Variants in FAM246B observed in about 807,000 individuals in gnomAD.
FAM246B encodes protein FAM246B.
downstream of FAM246B, among the ~76,000 whole-genome samples, chr22:18,634,936 C>G (rs888740942): frequency 6.7e-6 from 1 of 148,256 alleles, no homozygotes; most frequent in East Asian, 2.1e-4. Flanking sequence ...GAGACTGAGT[C>G]CGGCTAGAGA....
exon 1 of FAM246B, among the ~76,000 whole-genome samples, chr22:18,634,545 G>A (rs1351335483): frequency 1.6e-5 from 1 of 62,006 alleles, no homozygotes; most frequent in African/African-American, 4.4e-5. Context: ...CACCGTGAGC[G>A]CCCTGGTCGC....
exon 1 of FAM246B, among the ~76,000 whole-genome samples, chr22:18,634,028 C>T (rs1276107742): frequency 1.9e-5 from 1 of 51,748 alleles, no homozygotes; most frequent in Non-Finnish European, 4.4e-5. Context: ...GTAGTGCGTA[C>T]AGAGCCAGCG....
chr22:18,634,600 GC>G lies in FAM246B; in HGVS notation c.618del (p.Cys206TrpfsTer?), dbSNP rs1933692634. The stretch of plus-strand genomic sequence containing the variant: ...GACGCCCCGGACGGCCCAGCAGAAT[GC>G]GGAGCGCACCGAGCCCCGGCCAGGA... On this transcript the variant is annotated frameshift_variant, in exon 1 of 1. Coordinates refer to ENST00000652395, the Ensembl canonical transcript of FAM246B. LOFTEE classifies it high-confidence loss of function. Among the ~76,000 whole-genome samples the G allele has an allele frequency of 1.6e-5, 1 of 62,534 alleles. No homozygotes were observed. The highest frequency in any genetic ancestry group is 4.0e-5 in the Non-Finnish European group (1 of 25,032). 41.0% of individuals were successfully genotyped at this position (62,534 alleles called of 152,430 possible). A position where few individuals can be genotyped will look rare whatever the true frequency, so the allele number is the denominator to read the frequency against.
At chr22:18,634,878 GGGCCACGT>G (rs1933698003), downstream of FAM246B, among the ~76,000 whole-genome samples, 1 of 148,352 alleles carries the variant, frequency 6.7e-6, no homozygotes. Context: ...GGCGGAGGGT[GGGCCACGT>G]GCGTCTGGGG....
At chr22:18,634,884 C>T (rs1324638779), downstream of FAM246B, among the ~76,000 whole-genome samples, 2 of 148,492 alleles carry the variant, frequency 1.3e-5, no homozygotes, top group Non-Finnish European at 3.0e-5. Context: ...GGGTGGGCCA[C>T]GTGCGTCTGG....
chr22:18,635,004 A>C (rs1414987223), downstream of FAM246B, among the ~76,000 whole-genome samples: 5,236 of 143,926 alleles, frequency 0.036, no homozygotes, highest in African/African-American at 0.12. Flanking sequence ...GGTCTGGGTC[A>C]GCCTTTGGGC....
At position 18,634,428 on chromosome 22, in the gene FAM246B, C is replaced by G. The variant is rs1332377432; in HGVS notation, c.445C>G (p.Leu149Val). Residue 149 changes from leucine to valine, a missense_variant, in exon 1 of 1, where the codon CTG (leucine) becomes GTG (valine). Coordinates refer to ENST00000652395, the Ensembl canonical transcript of FAM246B. Reference sequence around the variant, plus strand: ...GGAGCTTCGAGCGGAGCTGGACGCTCTGCGCGCGCTGCTGCCGCCGCCGCC... The same window carrying G: ...GGAGCTTCGAGCGGAGCTGGACGCTGTGCGCGCGCTGCTGCCGCCGCCGCC... Among the ~76,000 whole-genome samples the G allele has an allele frequency of 3.6e-5, 2 of 56,042 alleles. 1 individual carries two copies. The highest frequency in any genetic ancestry group is 8.5e-5 in the Non-Finnish European group (2 of 23,596). The allele number at this position is 56,042 out of a possible 152,430, so 36.8% of individuals were successfully genotyped here. A position where few individuals can be genotyped will look rare whatever the true frequency, so the allele number is the denominator to read the frequency against.
At chr22:18,634,901 C>T (rs1320867520), downstream of FAM246B, among the ~76,000 whole-genome samples, 1 of 148,954 alleles carries the variant, frequency 6.7e-6, no homozygotes, top group Non-Finnish European at 1.5e-5. Flanking sequence ...CTGGGGAGTG[C>T]GGATGGGAGC....
chr22:18,634,922 G>C (rs1322861561), downstream of FAM246B, among the ~76,000 whole-genome samples: 2 of 148,816 alleles, frequency 1.3e-5, no homozygotes, highest in Non-Finnish European at 3.0e-5. Context: ...CGGGGTCCTT[G>C]CGAGAGACTG....
rs1296431840 is a variant in FAM246B at position 18,634,616 on chromosome 22, C to T, written c.633C>T (p.Ala211=). 1.6e-3 allele frequency among the ~76,000 whole-genome samples: 101 copies of T among 62,588 alleles called. 29 individuals are homozygous for T. The highest frequency in any genetic ancestry group is 4.2e-3 in the African/African-American group (96 of 22,830). 41.1% of individuals were successfully genotyped at this position (62,588 alleles called of 152,430 possible). ...CAGCAGAATGCGGAGCGCACCGAGC[C>T]CCGGCCAGGAAGAACCACAAGAAGA... is the stretch of plus-strand genomic sequence containing the variant. The change falls in exon 1 of 1, where the codon GCC becomes GCT. Residue 211 remains alanine (A), a synonymous_variant. Coordinates refer to ENST00000652395, the Ensembl canonical transcript of FAM246B.
At chr22:18,635,081 T>C (rs1933701533), downstream of FAM246B, among the ~76,000 whole-genome samples, 1 of 135,356 alleles carries the variant, frequency 7.4e-6, no homozygotes, top group Non-Finnish European at 1.7e-5. Context: ...GCACGTTCTT[T>C]TTCTTTCAAG....
chr22:18,634,016 G>A (rs1347846598), exon 1 of FAM246B, among the ~76,000 whole-genome samples: 1 of 49,722 alleles, frequency 2.0e-5, no homozygotes, highest in African/African-American at 6.2e-5. Context: ...GGGCCCAGGC[G>A]CGTAGTGCGT....
downstream of FAM246B, among the ~76,000 whole-genome samples, chr22:18,634,935 T>G (rs1166498629): frequency 6.8e-6 from 1 of 147,706 alleles, no homozygotes; most frequent in Non-Finnish European, 1.5e-5. Context: ...AGAGACTGAG[T>G]CCGGCTAGAG....
downstream of FAM246B, among the ~76,000 whole-genome samples, chr22:18,634,996 TCTGGGTCAGCCTTTGGGCCAGGG>T (rs1440907684): frequency 6.9e-6 from 1 of 144,626 alleles, no homozygotes; most frequent in African/African-American, 2.4e-5. Flanking sequence ...GGGCCTTGGG[TCTGGGTCAGCCTTTGGGCCAGGG>T]CTGGGTCAGC....
At chr22:18,634,942 A>G (rs1016004157), downstream of FAM246B, among the ~76,000 whole-genome samples, 2 of 148,350 alleles carry the variant, frequency 1.3e-5, no homozygotes, top group African/African-American at 2.4e-5. Context: ...GAGTCCGGCT[A>G]GAGAACAGGG....
chr22:18,634,050 C>T (rs1933687135), exon 1 of FAM246B, among the ~76,000 whole-genome samples: 1 of 53,908 alleles, frequency 1.9e-5, no homozygotes, highest in Non-Finnish European at 4.3e-5. Context: ...GGTGCTGCGG[C>T]GCGTCACGGG....
At position 18,634,400 on chromosome 22, in the gene FAM246B, C is replaced by CGCGGAGCTTCGA. The variant is rs1286424116; in HGVS notation, c.426_437dup (p.Arg143_Leu146dup). On this transcript the variant is annotated inframe_insertion, in exon 1 of 1. Coordinates refer to ENST00000652395, the Ensembl canonical transcript of FAM246B. The stretch of plus-strand genomic sequence containing the variant: ...TGGGCGCCGAGATTGAGGCGCTGCG[C>CGCGGAGCTTCGA]GCGGAGCTTCGAGCGGAGCTGGACG... 3.6e-5 allele frequency among the ~76,000 whole-genome samples: 2 copies of CGCGGAGCTTCGA among 55,422 alleles called. 1 individual carries two copies. Among genetic ancestry groups the CGCGGAGCTTCGA allele is most frequent in the Non-Finnish European group, 8.6e-5 (2 of 23,176 alleles). 36.4% of individuals were successfully genotyped at this position (55,422 alleles called of 152,430 possible).
chr22:18,634,441 TGCCGCC>T (rs558825079), exon 1 of FAM246B, among the ~76,000 whole-genome samples: 4 of 55,074 alleles, frequency 7.3e-5, no homozygotes, highest in African/African-American at 2.0e-4. Flanking sequence ...CGCGCGCTGC[TGCCGCC>T]GCCGCCGCCG....
downstream of FAM246B, among the ~76,000 whole-genome samples, chr22:18,634,931 T>A (rs1466349101): frequency 6.7e-6 from 1 of 148,534 alleles, no homozygotes; most frequent in African/African-American, 2.4e-5. Flanking sequence ...TGCGAGAGAC[T>A]GAGTCCGGCT....
Sources: allele counts gnomAD v4.1 joint callset (sites outside exome capture counted in the v4.1 genomes callset), GRCh38; gene constraint gnomAD v4.1.1; transcripts MANE v1.5; gene names NCBI Gene and HGNC (gene_info 2026-07-23, HGNC 2026-07-21).